The following TRIM5 variants were observed in gnomAD, a reference collection of about 807,000 sequenced individuals.
TRIM5 encodes the protein tripartite motif containing 5.
In TRIM5, 31 loss-of-function variants were observed where a neutral mutation model predicts 35.6. That is an observed-to-expected ratio of 0.87 (90% CI 0.65 to 1.18). TRIM5 has a LOEUF of 1.18. TRIM5 is among the 50% of genes most tolerant of loss of function. The pLI is 0.00. For missense variants in TRIM5, 609 were observed against 591.6 expected (o/e 1.03, Z -0.31); for synonymous variants, 243 against 215.6 (o/e 1.13, Z -1.11).
the TRIM5 span, among the ~76,000 whole-genome samples, chr11:5,631,295 C>A: frequency 6.6e-6 from 1 of 152,226 alleles, no homozygotes; most frequent in Non-Finnish European, 1.5e-5. Flanking sequence ...GGATCCCAAT[C>A]TACTTCTTTC....
At chr11:5,655,637 C>A in the TRIM5 span, 6 of 985,218 alleles carry the variant, frequency 6.1e-6, no homozygotes, top group Non-Finnish European at 7.2e-6. Context: ...TGCTCCTCAG[C>A]GTCAGTAAGG....
chr11:5,616,127 A>AT, the TRIM5 span, among the ~76,000 whole-genome samples: 1 of 146,430 alleles, frequency 6.8e-6, no homozygotes, highest in Non-Finnish European at 1.5e-5. Context: ...ATTTTTTTGT[A>AT]TTTTTAGTAG....
the TRIM5 span, among the ~76,000 whole-genome samples, chr11:5,658,022 C>A: frequency 6.6e-6 from 1 of 152,044 alleles, no homozygotes; most frequent in East Asian, 1.9e-4. Context: ...AGGCACGGTC[C>A]CTGACAAAGC....
intron 5 of TRIM5, 95 bp from the exon 6 acceptor site, chr11:5,666,176 C>G: frequency 9.9e-7 from 1 of 1,005,630 alleles, no homozygotes; most frequent in Non-Finnish European, 1.5e-6. Flanking sequence ...CATTGAGGCA[C>G]TTGAACTCTC....
downstream of TRIM5, among the ~76,000 whole-genome samples, chr11:5,662,745 G>A (rs561024295): frequency 6.6e-6 from 1 of 152,176 alleles, no homozygotes; most frequent in African/African-American, 2.4e-5. Flanking sequence ...TTCTTCAAAC[G>A]AAGGGAGAAA....
Position 5,665,245 on chromosome 11 carries a change from A to T in TRIM5, c.1046T>A (p.Leu349Gln), listed in dbSNP as rs902650407. Residue 349 changes from leucine to glutamine, a missense_variant, in exon 8 of 8, where the codon CTG becomes CAG. Coordinates refer to ENST00000380034, the MANE Select transcript of TRIM5 (RefSeq NM_033034.3). ...CCCTGATGTGATACTTTGAGAGCCC[A>T]GGATGCCAGTACAATAATTGAAATT... is the stretch of plus-strand genomic sequence containing the variant. ...FVNFNYCTGI[L>Q]GSQSITSGKH... 6.2e-7 allele frequency: 1 copy of T among 1,614,126 alleles called. No individual in the cohort carries two copies. Among genetic ancestry groups the T allele is most frequent in the African/African-American group, 1.3e-5 (1 of 74,944 alleles).
the TRIM5 span, among the ~76,000 whole-genome samples, chr11:5,614,809 A>G: frequency 0.86 from 130,193 of 152,194 alleles, 55,794 homozygotes; most frequent in East Asian, 0.93. Context: ...TTATTATTGT[A>G]ATATAACTGA....
At chr11:5,590,857 C>T in the TRIM5 span, 44 of 153,584 alleles carry the variant, frequency 2.9e-4, no homozygotes, top group East Asian at 5.9e-3. Flanking sequence ...CCTGAGCTAG[C>T]GAGACCACGA....
At chr11:5,622,691 T>A in the TRIM5 span, among the ~76,000 whole-genome samples, 1 of 152,190 alleles carries the variant, frequency 6.6e-6, no homozygotes, top group Non-Finnish European at 1.5e-5. Context: ...AAAAATTGAA[T>A]GTCATCCACA....
At chr11:5,603,494 C>T in the TRIM5 span, 1 of 1,614,074 alleles carries the variant, frequency 6.2e-7, no homozygotes, top group South Asian at 1.1e-5. Context: ...GTGTGCCAGA[C>T]CAGCTACCAG....
the TRIM5 span, chr11:5,641,372 G>A: frequency 1.2e-5 from 16 of 1,386,868 alleles, no homozygotes; most frequent in East Asian, 1.3e-4. Flanking sequence ...TAATGGACTC[G>A]ATCCTATGTT....
chr11:5,632,229 A>T, the TRIM5 span: 4 of 1,570,008 alleles, frequency 2.5e-6, no homozygotes, highest in African/African-American at 4.1e-5. Context: ...TACCATTCTT[A>T]TACCATCCCC....
chr11:5,645,672 AAGAC>A, the TRIM5 span: 1 of 159,390 alleles, frequency 6.3e-6, no homozygotes, highest in Admixed American at 6.4e-5. Flanking sequence ...GGAAGAAAAA[AAGAC>A]AGGCCTACCT....
chr11:5,660,131 CA>C (rs1183634095), downstream of TRIM5, among the ~76,000 whole-genome samples: 1 of 152,106 alleles, frequency 6.6e-6, no homozygotes, highest in Non-Finnish European at 1.5e-5. Flanking sequence ...CGCCCACCAC[CA>C]TGCCCGGCTA....
the TRIM5 span, chr11:5,655,580 T>A: frequency 2.2e-6 from 2 of 917,706 alleles, no homozygotes; most frequent in Non-Finnish European, 2.6e-6. Flanking sequence ...CATTCATTTC[T>A]TGGTCATCCT....
In TRIM5 at chr11:5,664,996, A is replaced by C. The variant is rs1851013815; in HGVS notation, c.1295T>G (p.Ile432Ser). ...SVPFIVPLSVIICPDRVGVFL... is the reference protein window; with the variant it reads ...SVPFIVPLSVSICPDRVGVFL... The stretch of plus-strand genomic sequence containing the variant: ...AACTCCAACACGATCAGGACAAATA[A>C]TCACAGAGAGGGGCACAATGAAAGG... The change falls in exon 8 of 8, where the codon ATT becomes AGT. Residue 432 changes from isoleucine (I) to serine (S), a missense_variant. Physicochemically the swap from Ile to Ser is moderately radical, Grantham distance 142. Coordinates refer to ENST00000380034, the MANE Select transcript of TRIM5 (RefSeq NM_033034.3). 3 of 1,614,066 alleles carry C rather than the reference A, an allele frequency of 1.9e-6. No homozygotes were observed. The highest frequency in any genetic ancestry group is 2.5e-6 in the Non-Finnish European group (3 of 1,180,046).
the TRIM5 span, chr11:5,644,257 TTC>T: frequency 2.5e-6 from 1 of 398,830 alleles, no homozygotes; most frequent in Non-Finnish European, 4.4e-6. Flanking sequence ...CTTTCTCAGT[TTC>T]TTTTTCCTGA....
At chr11:5,657,652 T>C in the TRIM5 span, among the ~76,000 whole-genome samples, 1 of 117,248 alleles carries the variant, frequency 8.5e-6, no homozygotes, top group Admixed American at 1.1e-4. Context: ...TTATATATTA[T>C]ATATAATATA....
the TRIM5 span, among the ~76,000 whole-genome samples, chr11:5,645,411 CT>C: frequency 5.0e-5 from 7 of 139,688 alleles, no homozygotes; most frequent in South Asian, 1.5e-3. Context: ...AAAAAAAAAA[CT>C]GTGAAAAAAG....
Sources: gnomAD v4.1 joint callset for allele counts (sites outside exome capture counted in the v4.1 genomes callset) on GRCh38, gnomAD v4.1.1 for gene constraint, MANE v1.5 for transcripts, NCBI Gene and HGNC (gene_info 2026-07-23, HGNC 2026-07-21) for gene names.